The following HNRNPLL variants were observed in gnomAD, a reference collection of about 807,000 sequenced individuals.
HNRNPLL encodes the protein heterogeneous nuclear ribonucleoprotein L like.
Under a neutral mutation model 67.1 loss-of-function variants are expected in HNRNPLL, and 25 were observed. That is an observed-to-expected ratio of 0.37 (90% CI 0.27 to 0.52). HNRNPLL has a LOEUF of 0.52. HNRNPLL is among the 20% of genes least tolerant of loss of function. HNRNPLL has a pLI of 0.90. For synonymous variants in HNRNPLL, 267 were observed against 241.7 expected (o/e 1.10, Z -0.97); for missense variants, 542 against 673.9 (o/e 0.80, Z 2.17).
Position 38,573,205 on chromosome 2 carries a change from C to A in HNRNPLL, c.1092+5G>T, listed in dbSNP as rs1015572168. 6.4e-7 allele frequency: 1 copy of A among 1,572,590 alleles called. No homozygotes were observed. The highest frequency in any genetic ancestry group is 8.6e-7 in the Non-Finnish European group (1 of 1,157,516). On this transcript the variant is annotated splice_donor_5th_base_variant and intron_variant, in intron 8 of 12. Transcript: ENST00000449105. ...CAAAAGAAACCAATATAAAGAGAAA[C>A]TTACCTTCTCAATATTTCCATATAA...
rs1455772453 is a variant in HNRNPLL at position 38,588,576 on chromosome 2, TAAA to T, written c.309-2698_309-2696del. On this transcript the variant is annotated intron_variant, in intron 2 of 12. Transcript: ENST00000449105. ...AAAAAAAAAAAAAAAAAGGGTGAGC[TAAA>T]AGCACAACTTAAAAGTGAGGGTTAC... 3.0e-5 allele frequency among the ~76,000 whole-genome samples: 4 copies of T among 132,674 alleles called. No individual in the cohort carries two copies. The East Asian group carries it at 8.4e-4, about 28-fold the overall frequency. 87.0% of individuals were successfully genotyped at this position (132,674 alleles called of 152,430 possible).
intron 10 of HNRNPLL, 129 bp downstream of exon 10, chr2:38,569,004 A>G (rs1307664316): frequency 5.8e-6 from 4 of 689,458 alleles, no homozygotes; most frequent in African/African-American, 3.6e-5. Context: ...ACTATCCAGT[A>G]CCAAGTAAAT....
rs995689551 is a variant in HNRNPLL at position 38,602,455 on chromosome 2, G to A, written c.172C>T (p.Arg58Trp). The A allele has an allele frequency of 2.0e-6, 3 of 1,535,652 alleles. No individual in the cohort carries two copies. The highest frequency in any genetic ancestry group is 2.0e-5 in the Admixed American group (1 of 50,872). Residue 58 changes from arginine (R) to tryptophan (W), a missense_variant, in exon 1 of 13, where the codon CGG (arginine) becomes TGG (tryptophan). Physicochemically the swap from Arg to Trp is moderately radical, Grantham distance 101 (BLOSUM62 -3). Coordinates refer to ENST00000449105, the MANE Select transcript of HNRNPLL (RefSeq NM_138394.4). ...TTTGTTACCGGCTGAGAGAAGCTCCGGCCGCCGCCGCCGCCATCGCCCCCG... is the reference window on the plus strand; with the variant it reads ...TTTGTTACCGGCTGAGAGAAGCTCCAGCCGCCGCCGCCGCCATCGCCCCCG... Reference protein sequence around the residue: ...RGGGDGGGGGRSFSQPEAGGS... With the variant: ...RGGGDGGGGGWSFSQPEAGGS...
intron 1 of HNRNPLL, among the ~76,000 whole-genome samples, chr2:38,597,252 A>C (rs538849126): frequency 2.6e-4 from 40 of 152,336 alleles, no homozygotes; most frequent in Non-Finnish European, 5.4e-4. Context: ...ATGATTTATT[A>C]AGTCACACCT....
chr2:38,566,843 TA>T (rs1034618168), intron 12 of HNRNPLL, among the ~76,000 whole-genome samples: 103 of 145,872 alleles, frequency 7.1e-4, no homozygotes, highest in African/African-American at 2.4e-3. Flanking sequence ...AAATTAAAAA[TA>T]AAAAAAAATT....
Position 38,590,093 on chromosome 2 carries a change from C to T in HNRNPLL, c.308+1437G>A, listed in dbSNP as rs537218133. On this transcript the variant is annotated intron_variant, in intron 2 of 12. Transcript: ENST00000449105. ...AATTGATATAATCAACTTAGTGATA[C>T]ACTTTCAACATACAAACTTTACTAT... is the stretch of plus-strand genomic sequence containing the variant. Among the ~76,000 whole-genome samples, 5 of 152,314 alleles carry T rather than the reference C, an allele frequency of 3.3e-5. No homozygotes were observed. In the South Asian group the frequency reaches 6.2e-4, roughly 19 times the overall value.
chr2:38,576,523 C>CTATG (rs1268460680), intron 7 of HNRNPLL, among the ~76,000 whole-genome samples: 2 of 151,688 alleles, frequency 1.3e-5, no homozygotes, highest in African/African-American at 4.8e-5. Flanking sequence ...GCCATATAGA[C>CTATG]TATGGAACCT....
chr2:38,562,257 G>C lies in HNRNPLL; in HGVS notation c.*1925C>G, dbSNP rs1228153831. 2 of 152,142 alleles carry C rather than the reference G, an allele frequency of 1.3e-5. No homozygotes were observed. Among genetic ancestry groups the C allele is most frequent in the African/African-American group, 2.4e-5 (1 of 41,420 alleles). 9.4% of individuals were successfully genotyped at this position (152,142 alleles called of 1,614,324 possible). The stretch of plus-strand genomic sequence containing the variant: ...GCAGCAGTATAGGGCTTACACACCA[G>C]TGTATAAATCTATCAGCAAGGCCCA... On this transcript the variant is annotated 3_prime_UTR_variant, in exon 13 of 13. Transcript: ENST00000449105.
At position 38,569,145 on chromosome 2, in the gene HNRNPLL, C is replaced by T. The variant is rs999915616; in HGVS notation, c.1404G>A (p.Glu468=). ...TTTCAGTGCCTACCTTTGTGAAGGT[C>T]TCTTCTGTGACACACAATGGAACAT... ...YYNVPLCVTE[E]TFTKLCNDHE... is the part of the protein sequence containing the mutation. Residue 468 remains glutamate, a synonymous_variant, in exon 10 of 13, where the codon GAG becomes GAA. Coordinates refer to ENST00000449105, the MANE Select transcript of HNRNPLL (RefSeq NM_138394.4). The T allele has an allele frequency of 6.2e-7, 1 of 1,606,362 alleles. No individual in the cohort carries two copies. The highest frequency in any genetic ancestry group is 1.3e-5 in the African/African-American group (1 of 74,718).
chr2:38,577,481 G>T lies in HNRNPLL; in HGVS notation c.854C>A (p.Ser285Ter). The change falls in exon 7 of 13, where the codon TCG (serine) becomes TAG (stop). Residue 285 changes from serine to a stop codon, truncating the protein, a stop_gained. Coordinates refer to ENST00000449105, the MANE Select transcript of HNRNPLL (RefSeq NM_138394.4). LOFTEE classifies it high-confidence loss of function. ...CTTACCATAGCCATCATGTCTAAAC[G>T]AAGAAGGGTGTTCTCCCAAAATGGC... ...RQAILGEHPS[S>*]FRHDGYGSHG... The T allele has an allele frequency of 6.2e-7, 1 of 1,607,054 alleles. No homozygotes were observed. The highest frequency in any genetic ancestry group is 8.5e-7 in the Non-Finnish European group (1 of 1,173,918).
At chr2:38,575,180 CATT>C (rs1244898572) in intron 7 of HNRNPLL, among the ~76,000 whole-genome samples, 1 of 151,676 alleles carries the variant, frequency 6.6e-6, no homozygotes, top group African/African-American at 2.4e-5. Flanking sequence ...TTTGAGCCAT[CATT>C]ATTAAATTAT....
chr2:38,581,055 T>C (rs1233174734), intron 6 of HNRNPLL: 5 of 152,212 alleles, frequency 3.3e-5, no homozygotes, highest in Non-Finnish European at 7.4e-5. Context: ...ATTTAAAAAG[T>C]AAACAATGCA....
At chr2:38,598,205 G>C (rs1050955338) in intron 1 of HNRNPLL, among the ~76,000 whole-genome samples, 1 of 152,118 alleles carries the variant, frequency 6.6e-6, no homozygotes, top group African/African-American at 2.4e-5. Flanking sequence ...TAATTAGACG[G>C]GGGAAGAGGG....
chr2:38,594,183 A>C (rs1341181331), intron 1 of HNRNPLL, among the ~76,000 whole-genome samples: 1 of 152,148 alleles, frequency 6.6e-6, no homozygotes, highest in African/African-American at 2.4e-5. Context: ...TCAAAAAAAA[A>C]CCAAAAACCA....
chr2:38,602,260 G>A lies in HNRNPLL; in HGVS notation c.189+178C>T, dbSNP rs1216207205. 4 of 592,644 alleles carry A rather than the reference G, an allele frequency of 6.7e-6. No homozygotes were observed. The South Asian group carries it at 9.1e-5, about 13-fold the overall frequency. 36.7% of individuals were successfully genotyped at this position (592,644 alleles called of 1,614,324 possible). A position where few individuals can be genotyped will look rare whatever the true frequency, so the allele number is the denominator to read the frequency against. Reference sequence around the variant, plus strand: ...CCAGGACGGCGCCGGGTTCGCAGTCGGGATGCGGGAAACAGGTAGAGGCCA... The same window carrying A: ...CCAGGACGGCGCCGGGTTCGCAGTCAGGATGCGGGAAACAGGTAGAGGCCA... On this transcript the variant is annotated intron_variant, in intron 1 of 12. Transcript: ENST00000449105.
intron 7 of HNRNPLL, among the ~76,000 whole-genome samples, 157 bp downstream of exon 7, chr2:38,577,304 T>G (rs1273530395): frequency 6.6e-6 from 1 of 151,818 alleles, no homozygotes; most frequent in East Asian, 1.9e-4. Flanking sequence ...AAAACAAATT[T>G]TGGACAACTC....
At chr2:38,592,827 T>G (rs963604190) in intron 1 of HNRNPLL, among the ~76,000 whole-genome samples, 5 of 152,182 alleles carry the variant, frequency 3.3e-5, no homozygotes, top group African/African-American at 4.8e-5. Context: ...TTTTTTAAAG[T>G]TTTTTTCTCC....
At chr2:38,565,304 A>G (rs1665814640) in intron 12 of HNRNPLL, among the ~76,000 whole-genome samples, 1 of 152,228 alleles carries the variant, frequency 6.6e-6, no homozygotes, top group Non-Finnish European at 1.5e-5. Context: ...TAATCTATAT[A>G]CTGTCTCTAA....
chr2:38,599,368 T>G (rs146588731), intron 1 of HNRNPLL, among the ~76,000 whole-genome samples: 1 of 152,356 alleles, frequency 6.6e-6, no homozygotes, highest in East Asian at 1.9e-4. Flanking sequence ...TTTTCCCAAG[T>G]GAAGCCTTAA....
Sources: gnomAD v4.1 joint callset for allele counts (sites outside exome capture counted in the v4.1 genomes callset) on GRCh38, gnomAD v4.1.1 for gene constraint, MANE v1.5 for transcripts, NCBI Gene and HGNC (gene_info 2026-07-23, HGNC 2026-07-21) for gene names.